GLG1: variants seen among roughly 807,000 people sequenced by gnomAD.
The protein encoded by GLG1 is Golgi apparatus protein 1.
GLG1 carries 38 observed loss-of-function variants against 160.5 expected under a neutral mutation model. The ratio of observed to expected loss-of-function variants is 0.24; its 90% confidence interval spans 0.18 to 0.31. The LOEUF is 0.31. Ranked by LOEUF, GLG1 falls within the 10% of genes least tolerant of loss-of-function variation. GLG1 has a pLI of 1.00. For missense variants in GLG1, 1,373 were observed against 1,505.2 expected, an observed-to-expected ratio of 0.91 and a Z score of 1.45; for synonymous variants, 644 against 543.4, an observed-to-expected ratio of 1.19 and a Z score of -2.57.
intron 1 of GLG1, among the ~76,000 whole-genome samples, chr16:74,576,952 G>T (rs7191754): frequency 0.71 from 106,652 of 150,174 alleles, 38,473 homozygotes; most frequent in African/African-American, 0.83. Context: ...TAGAGGCAGG[G>T]TGAATGTCAC....
chr16:74,544,070 T>C (rs148759604), intron 1 of GLG1, among the ~76,000 whole-genome samples: 104 of 152,324 alleles, frequency 6.8e-4, no homozygotes, highest in African/African-American at 2.4e-3. Flanking sequence ...CTTTTAGAAT[T>C]ACTGTTTTAA....
chr16:74,484,444 G>A (rs970255527), intron 9 of GLG1, among the ~76,000 whole-genome samples: 31 of 152,094 alleles, frequency 2.0e-4, no homozygotes, highest in African/African-American at 7.2e-4. Flanking sequence ...GGGATTACAG[G>A]TATGCGCCAC....
At chr16:74,568,670 G>A (rs1018263867) in intron 1 of GLG1, among the ~76,000 whole-genome samples, 3 of 151,772 alleles carry the variant, frequency 2.0e-5, no homozygotes, top group Non-Finnish European at 2.9e-5. Flanking sequence ...CGCCCACCTC[G>A]GCCTCCCAAA....
chr16:74,502,008 A>C (rs12930645), intron 4 of GLG1, among the ~76,000 whole-genome samples: 21,020 of 152,300 alleles, frequency 0.14, 1,626 homozygotes, highest in Middle Eastern at 0.17. Context: ...ACAGCCAGAC[A>C]ATACACAGCA....
intron 1 of GLG1, among the ~76,000 whole-genome samples, chr16:74,549,342 G>C: frequency 1.3e-5 from 2 of 151,970 alleles, no homozygotes. Flanking sequence ...TGCCCAGGCT[G>C]AAGTGCAGTG....
At chr16:74,576,319 T>C (rs1223723808) in intron 1 of GLG1, among the ~76,000 whole-genome samples, 3 of 152,138 alleles carry the variant, frequency 2.0e-5, no homozygotes, top group Non-Finnish European at 4.4e-5. Flanking sequence ...TCTATAAAAA[T>C]GCAAGACATA....
intron 4 of GLG1, among the ~76,000 whole-genome samples, chr16:74,498,802 T>A (rs374491429): frequency 7.5e-6 from 1 of 132,692 alleles, no homozygotes; most frequent in Non-Finnish European, 1.5e-5. Flanking sequence ...GAGGCGGAGG[T>A]TGCAGTGAGC....
intron 2 of GLG1, among the ~76,000 whole-genome samples, chr16:74,531,350 G>C (rs1354689648): frequency 6.6e-6 from 1 of 152,102 alleles, no homozygotes; most frequent in East Asian, 1.9e-4. Context: ...ACAAAGTCTT[G>C]CTCTGTTGCC....
chr16:74,523,667 TTAAG>T, intron 2 of GLG1, among the ~76,000 whole-genome samples: 3 of 152,202 alleles, frequency 2.0e-5, no homozygotes, highest in East Asian at 3.9e-4. Context: ...AGATTTATTC[TTAAG>T]TATTTGATGC....
intron 1 of GLG1, among the ~76,000 whole-genome samples, chr16:74,569,384 T>C (rs2018754906): frequency 6.6e-6 from 1 of 152,206 alleles, no homozygotes; most frequent in Non-Finnish European, 1.5e-5. Flanking sequence ...CAAGTATTTA[T>C]TCTATGTTTC....
intron 8 of GLG1, among the ~76,000 whole-genome samples, chr16:74,486,945 G>T (rs185140258): frequency 6.9e-6 from 1 of 145,974 alleles, no homozygotes; most frequent in Non-Finnish European, 1.5e-5. Flanking sequence ...ACAGAGTTTC[G>T]CTCTGTCACC....
intron 11 of GLG1, 138 bp downstream of exon 11, chr16:74,480,103 C>A (rs530444894): frequency 1.5e-4 from 106 of 689,740 alleles, no homozygotes; most frequent in Non-Finnish European, 2.5e-4. Context: ...GAAGAAGTTT[C>A]TAGAAGTGCA....
In GLG1 at chr16:74,491,223, A is replaced by C; in HGVS notation, c.1235-8T>G. On this transcript the variant is annotated splice_region_variant and splice_polypyrimidine_tract_variant and intron_variant, in intron 7 of 25. Coordinates refer to ENST00000422840, the MANE Select transcript of GLG1 (RefSeq NM_001145667.2). ...CACTGCTGACTTGTCGCCCTAAGTT[A>C]GGATGTAAGTCATAACATTACGAAG... 6.3e-7 allele frequency: 1 copy of C among 1,599,708 alleles called. No homozygotes were observed. Among genetic ancestry groups the C allele is most frequent in the Non-Finnish European group, 8.6e-7 (1 of 1,166,882 alleles).
chr16:74,543,818 T>C (rs913765542), intron 1 of GLG1, among the ~76,000 whole-genome samples: 1 of 151,980 alleles, frequency 6.6e-6, no homozygotes, highest in Non-Finnish European at 1.5e-5. Context: ...ACCGGGAGAA[T>C]CCTGCTGATG....
intron 6 of GLG1, among the ~76,000 whole-genome samples, chr16:74,494,403 CTTTTT>C (rs3973383): frequency 2.9e-5 from 2 of 70,126 alleles, no homozygotes; most frequent in Admixed American, 1.8e-4. Context: ...ATTGAGAAAG[CTTTTT>C]TTTTTTTTTT....
At chr16:74,542,625 T>A (rs968379782) in intron 1 of GLG1, among the ~76,000 whole-genome samples, 1 of 147,080 alleles carries the variant, frequency 6.8e-6, no homozygotes, top group Non-Finnish European at 1.5e-5. Flanking sequence ...TGAGCCGAGA[T>A]TGCATCATTG....
intron 1 of GLG1, among the ~76,000 whole-genome samples, chr16:74,598,710 T>A (rs1302509617): frequency 6.6e-6 from 1 of 151,176 alleles, no homozygotes; most frequent in African/African-American, 2.4e-5. Flanking sequence ...CTGGTCAACA[T>A]GGTGAAACCT....
intron 1 of GLG1, among the ~76,000 whole-genome samples, chr16:74,587,987 T>C (rs560473682): frequency 1.3e-5 from 2 of 152,188 alleles, no homozygotes; most frequent in South Asian, 4.2e-4. Flanking sequence ...AAAATACAAA[T>C]TCACTGGATG....
rs186405691 is a variant in GLG1, at chr16:74,576,378, T to C, written c.438+30279A>G. Among the ~76,000 whole-genome samples the C allele has an allele frequency of 5.1e-3, 771 of 152,240 alleles. 7 individuals carry two copies. The highest frequency in any genetic ancestry group is 4.3e-3 in the Non-Finnish European group (295 of 68,020). On this transcript the variant is annotated intron_variant, in intron 1 of 25. Coordinates refer to ENST00000422840, the MANE Select transcript of GLG1 (RefSeq NM_001145667.2). Reference sequence around the variant, plus strand: ...TTTCTAACTTAAAATGACACCATGATTTGGATGGATCATAGACCATTTTAA... The same window carrying C: ...TTTCTAACTTAAAATGACACCATGACTTGGATGGATCATAGACCATTTTAA...
Sources: gnomAD v4.1 joint callset for allele counts (sites outside exome capture counted in the v4.1 genomes callset) on GRCh38, gnomAD v4.1.1 for gene constraint, MANE v1.5 for transcripts, NCBI Gene and HGNC (gene_info 2026-07-23, HGNC 2026-07-21) for gene names.